DHX35: variants seen among roughly 807,000 people sequenced by gnomAD.
DHX35 encodes the protein probable ATP-dependent RNA helicase DHX35.
In DHX35, 84 loss-of-function variants were observed where a neutral mutation model predicts 99.6. The observed-to-expected ratio is 0.84, with a 90% CI of 0.71 to 1.01. The LOEUF (loss-of-function observed/expected upper bound fraction) is 1.01, where lower values mean the gene tolerates loss of function less well. DHX35 is among the 50% of genes least tolerant of loss of function. The pLI is 0.00. For missense variants in DHX35, 852 were observed against 888.5 expected (o/e 0.96, Z 0.52); for synonymous variants, 331 against 316.2 (o/e 1.05, Z -0.50).
In DHX35 at chr20:39,038,526, A is replaced by G. The variant is rs1215164871; in HGVS notation, c.2095A>G (p.Lys699Glu). The G allele has an allele frequency of 2.5e-6, 4 of 1,613,076 alleles. No homozygotes were observed. In the African/African-American group the frequency reaches 5.3e-5, roughly 22 times the overall value. ...CCTGTCTCTGAAAGCCAAAAGGGCC[A>G]AGGTCCAGGACCCGTGAGAGGAGCC... ...THLSLKAKRA[K>E]VQDP Residue 699 changes from lysine to glutamate, a missense_variant, in exon 22 of 22, where the codon AAG becomes GAG. Transcript: ENST00000252011.
At position 38,962,347 on chromosome 20, in the gene DHX35, C is replaced by T. The variant is rs373968541; in HGVS notation, c.-21C>T. On this transcript the variant is annotated 5_prime_UTR_variant, in exon 1 of 22. Coordinates refer to ENST00000252011, the MANE Select transcript of DHX35 (RefSeq NM_021931.4). Reference sequence around the variant, plus strand: ...CGCGCGACGGTGGGGTGGAGCTAGCCTCGTGACCTTTTACCCCAACATGGC... The same window carrying T: ...CGCGCGACGGTGGGGTGGAGCTAGCTTCGTGACCTTTTACCCCAACATGGC... 84 of 1,610,540 alleles carry T rather than the reference C, an allele frequency of 5.2e-5. No individual in the cohort carries two copies. The highest frequency in any genetic ancestry group is 6.7e-5 in the East Asian group (3 of 44,674).
chr20:38,994,194 C>T (rs536104894), intron 7 of DHX35, among the ~76,000 whole-genome samples: 7 of 151,960 alleles, frequency 4.6e-5, no homozygotes, highest in East Asian at 1.9e-4. Context: ...TTTTCAGGAA[C>T]GGTATAATAA....
intron 20 of DHX35, among the ~76,000 whole-genome samples, chr20:39,033,217 CAG>C (rs2087087346): frequency 6.6e-6 from 1 of 152,274 alleles, no homozygotes; most frequent in South Asian, 2.1e-4. Context: ...GCCTGGGTGA[CAG>C]AGCGAGACCC....
chr20:38,968,295 C>T (rs555088318), intron 1 of DHX35, among the ~76,000 whole-genome samples: 10 of 152,280 alleles, frequency 6.6e-5, no homozygotes, highest in South Asian at 2.1e-4. Context: ...ACCTGCAAGA[C>T]GTGCCAAGAT....
intron 3 of DHX35, chr20:38,977,909 T>C (rs1269897579): frequency 2.2e-5 from 13 of 584,486 alleles, no homozygotes; most frequent in Non-Finnish European, 3.9e-5. Flanking sequence ...TTTTCTTCAG[T>C]TTCCTCATCA....
chr20:38,968,611 G>C (rs368921107), intron 1 of DHX35, among the ~76,000 whole-genome samples: 1 of 151,972 alleles, frequency 6.6e-6, no homozygotes, highest in Non-Finnish European at 1.5e-5. Context: ...GCAGGGGCCC[G>C]ATCTTGGCTC....
intron 3 of DHX35, among the ~76,000 whole-genome samples, chr20:38,976,190 A>T (rs1035539373): frequency 6.6e-6 from 1 of 152,212 alleles, no homozygotes; most frequent in African/African-American, 2.4e-5. Context: ...TAATAGGTTC[A>T]CATGATTTAA....
Position 39,021,902 on chromosome 20 carries a change from C to T in DHX35, c.1560C>T (p.Ile520=). 1 of 1,614,162 alleles carries T rather than the reference C, an allele frequency of 6.2e-7. No homozygotes were observed. The highest frequency in any genetic ancestry group is 8.5e-7 in the Non-Finnish European group (1 of 1,180,012). The change falls in exon 16 of 22, where the codon ATC becomes ATT. Residue 520 remains isoleucine (I), a synonymous_variant. Transcript: ENST00000252011. The part of the protein sequence containing the change: ...SIAAMMQIQN[I]FVVPPNQKSH... ...CTGCCATGATGCAGATCCAGAATAT[C>T]TTTGTGGTCCCCCCAAACCAGAAGT...
At chr20:38,990,162 TTTTGTATTCCA>T (rs1283150439) in intron 5 of DHX35, among the ~76,000 whole-genome samples, 1 of 152,240 alleles carries the variant, frequency 6.6e-6, no homozygotes, top group Non-Finnish European at 1.5e-5. Context: ...CATAAAAACC[TTTTGTATTCCA>T]TTTGGTCACA....
chr20:39,032,311 A>G (rs888321584), intron 20 of DHX35, among the ~76,000 whole-genome samples: 1 of 152,180 alleles, frequency 6.6e-6, no homozygotes, highest in African/African-American at 2.4e-5. Context: ...AGCTGGGATT[A>G]CAGGTGCATG....
At chr20:39,033,345 TTTTC>T (rs1373791944) in intron 20 of DHX35, among the ~76,000 whole-genome samples, 1 of 152,192 alleles carries the variant, frequency 6.6e-6, no homozygotes, top group East Asian at 1.9e-4. Flanking sequence ...GGAGAAAGGC[TTTTC>T]TTTTTCTTGC....
intron 12 of DHX35, among the ~76,000 whole-genome samples, chr20:39,007,306 G>A (rs1237562960): frequency 6.6e-6 from 1 of 152,172 alleles, no homozygotes; most frequent in East Asian, 1.9e-4. Context: ...GGAGATCTGG[G>A]GCTAGTAACC....
In DHX35 at chr20:38,972,643, A is replaced by T; in HGVS notation, c.259A>T (p.Ile87Phe). The change falls in exon 3 of 22, where the codon ATT becomes TTT. Residue 87 changes from isoleucine to phenylalanine, a missense_variant. By Grantham distance (21) the Ile-to-Phe change is conservative. Transcript: ENST00000252011. The part of the protein sequence containing the change: ...GETGCGKSTQ[I>F]PQYLAEAGWT... The stretch of plus-strand genomic sequence containing the variant: ...AACAGGATGTGGGAAGAGCACACAG[A>T]TTCCTCAGGTGAGTACATATTTAAT... 3 of 1,610,160 alleles carry T rather than the reference A, an allele frequency of 1.9e-6. No homozygotes were observed. Among genetic ancestry groups the T allele is most frequent in the Admixed American group, 1.7e-5 (1 of 59,990 alleles).
intron 11 of DHX35, among the ~76,000 whole-genome samples, chr20:39,004,486 T>C (rs2086581251): frequency 6.6e-6 from 1 of 152,232 alleles, no homozygotes; most frequent in Admixed American, 6.5e-5. Flanking sequence ...ATGCTTACTT[T>C]GGCTTAAGGG....
intron 8 of DHX35, among the ~76,000 whole-genome samples, chr20:38,997,504 A>T (rs1326305204): frequency 1.3e-5 from 2 of 152,094 alleles, no homozygotes; most frequent in Non-Finnish European, 2.9e-5. Context: ...TCTGGAAGCA[A>T]TTTTGTAAGC....
chr20:39,004,824 G>A (rs1057469921), intron 11 of DHX35, among the ~76,000 whole-genome samples: 2 of 152,190 alleles, frequency 1.3e-5, no homozygotes, highest in South Asian at 2.1e-4. Context: ...AGAGAATAGA[G>A]CAGGTGAGGG....
At chr20:39,016,977 CT>C (rs1404772930) in intron 14 of DHX35, among the ~76,000 whole-genome samples, 1 of 147,458 alleles carries the variant, frequency 6.8e-6, no homozygotes, top group Non-Finnish European at 1.5e-5. Flanking sequence ...TGTGTTTTGG[CT>C]TTTTACTTAC....
At chr20:38,973,331 A>T (rs139769500) in intron 3 of DHX35, among the ~76,000 whole-genome samples, 413 of 152,318 alleles carry the variant, frequency 2.7e-3, no homozygotes, top group African/African-American at 9.5e-3. Context: ...TATGACATAT[A>T]TGTAGGAAAG....
Position 39,031,373 on chromosome 20 carries a change from G to T in DHX35, c.1955+598G>T, listed in dbSNP as rs2087050076. ...TTTTGAGACAGAGTTTCGCTCTGTCGCCCAGGCTGGAGTGCAGTGACGGCG... is the reference window on the plus strand; with the variant it reads ...TTTTGAGACAGAGTTTCGCTCTGTCTCCCAGGCTGGAGTGCAGTGACGGCG... On this transcript the variant is annotated intron_variant, in intron 20 of 21. Transcript: ENST00000252011. 2.8e-5 allele frequency among the ~76,000 whole-genome samples: 4 copies of T among 141,830 alleles called. No individual in the cohort carries two copies. In the Admixed American group the frequency reaches 3.0e-4, roughly 11 times the overall value. The allele number at this position is 141,830 out of a possible 152,430, so 93.0% of individuals were successfully genotyped here. A position where few individuals can be genotyped will look rare whatever the true frequency, so the allele number is the denominator to read the frequency against.
Sources: gnomAD v4.1 joint callset for allele counts (sites outside exome capture counted in the v4.1 genomes callset) on GRCh38, gnomAD v4.1.1 for gene constraint, MANE v1.5 for transcripts, NCBI Gene and HGNC (gene_info 2026-07-23, HGNC 2026-07-21) for gene names.